The following CDH13 variants were observed in gnomAD, a reference collection of about 807,000 sequenced individuals.
The protein encoded by CDH13 is cadherin-13.
A neutral mutation model predicts 63.8 loss-of-function variants in CDH13; 24 were observed. The ratio of observed to expected loss-of-function variants is 0.38; its 90% confidence interval spans 0.27 to 0.53. The LOEUF (loss-of-function observed/expected upper bound fraction) is 0.53, where lower values mean the gene tolerates loss of function less well. Among genes scored for constraint, CDH13 ranks in the 20% least tolerant of loss-of-function variants. The pLI, the probability that CDH13 is intolerant of heterozygous loss-of-function variation, is 0.85. For missense variants in CDH13, 1,049 were observed against 903.1 expected, an observed-to-expected ratio of 1.16 and a Z score of -2.07; for synonymous variants, 503 against 355.3, an observed-to-expected ratio of 1.42 and a Z score of -4.67.
chr16:83,632,508 T>C (rs1162206037), intron 8 of CDH13, among the ~76,000 whole-genome samples: 1 of 151,946 alleles, frequency 6.6e-6, no homozygotes, highest in Admixed American at 6.6e-5. Context: ...TACTAGACCC[T>C]CCAGTTCTCA....
chr16:83,293,492 C>G (rs565394377), intron 5 of CDH13, among the ~76,000 whole-genome samples: 1 of 152,274 alleles, frequency 6.6e-6, no homozygotes, highest in Admixed American at 6.5e-5. Flanking sequence ...CATAGCAAGA[C>G]TTTATCCATG....
rs1159315373 is a variant in CDH13, at chr16:82,703,453, G to A, written c.45+76316G>A. Among the ~76,000 whole-genome samples the A allele has an allele frequency of 2.0e-5, 3 of 152,124 alleles. No individual in the cohort carries two copies. In the South Asian group the frequency reaches 6.2e-4, roughly 32 times the overall value. On this transcript the variant is annotated intron_variant, in intron 1 of 13. Coordinates refer to ENST00000567109, the MANE Select transcript of CDH13 (RefSeq NM_001257.5). Reference sequence around the variant, plus strand: ...TCAACCAGGGATGAATACAGATGGAGGATAAATTTCCCCACTCCCTTGCCC... The same window carrying A: ...TCAACCAGGGATGAATACAGATGGAAGATAAATTTCCCCACTCCCTTGCCC...
Position 83,800,399 on chromosome 16 carries a change from C to T in CDH13, c.*5369C>T, listed in dbSNP as rs1240444024. On this transcript the variant is annotated 3_prime_UTR_variant, in exon 14 of 14. Transcript: ENST00000567109. Reference sequence around the variant, plus strand: ...TCCTGATGACAAAATTTTATGTATCCCCCCAGATAAAAATTTTAAGAAATT... The same window carrying T: ...TCCTGATGACAAAATTTTATGTATCTCCCCAGATAAAAATTTTAAGAAATT... 6.6e-6 allele frequency: 1 copy of T among 152,012 alleles called. No individual in the cohort carries two copies. Among genetic ancestry groups the T allele is most frequent in the East Asian group, 1.9e-4 (1 of 5,188 alleles). 9.4% of individuals were successfully genotyped at this position (152,012 alleles called of 1,614,324 possible).
At position 83,571,874 on chromosome 16, in the gene CDH13, C is replaced by T. The variant is rs573949391; in HGVS notation, c.961-30580C>T. 1.9e-4 allele frequency among the ~76,000 whole-genome samples: 29 copies of T among 152,218 alleles called. 1 individual carries two copies. The highest frequency in any genetic ancestry group is 5.8e-4 in the African/African-American group (24 of 41,524). ...CATTCCCCTGGCTCCTCACATGAAACGTGCACTCCGGCCACAGAACTTAGC... is the reference window on the plus strand; with the variant it reads ...CATTCCCCTGGCTCCTCACATGAAATGTGCACTCCGGCCACAGAACTTAGC... On this transcript the variant is annotated intron_variant, in intron 7 of 13. Transcript: ENST00000567109.
intron 1 of CDH13, among the ~76,000 whole-genome samples, chr16:82,658,752 G>A (rs1044315309): frequency 1.3e-5 from 2 of 152,212 alleles, no homozygotes; most frequent in Non-Finnish European, 2.9e-5. Flanking sequence ...TTGAATGTGT[G>A]CCCAGTGTCT....
chr16:83,232,227 T>TTTTTTAA (rs3049884), intron 5 of CDH13, among the ~76,000 whole-genome samples: 1 of 67,636 alleles, frequency 1.5e-5, no homozygotes, highest in African/African-American at 5.3e-5. Flanking sequence ...TTTTTTTTTT[T>TTTTTTAA]AAAAAAAAAA....
At chr16:82,636,948 C>T (rs1003107921) in intron 1 of CDH13, among the ~76,000 whole-genome samples, 2 of 152,162 alleles carry the variant, frequency 1.3e-5, no homozygotes, top group East Asian at 3.8e-4. Flanking sequence ...CTAGCTCACC[C>T]CCTCACTCGT....
At chr16:83,295,178 G>T (rs997879070) in intron 5 of CDH13, among the ~76,000 whole-genome samples, 2 of 152,122 alleles carry the variant, frequency 1.3e-5, no homozygotes, top group African/African-American at 4.8e-5. Flanking sequence ...ATATCCATAT[G>T]CAGAAGAATG....
At chr16:83,308,711 AG>A (rs2151883429) in intron 5 of CDH13, among the ~76,000 whole-genome samples, 1 of 152,320 alleles carries the variant, frequency 6.6e-6, no homozygotes, top group African/African-American at 2.4e-5. Context: ...TGCTTCTGGA[AG>A]GCTCCCCTCA....
At chr16:83,360,636 C>T (rs986181010) in intron 6 of CDH13, among the ~76,000 whole-genome samples, 37 of 152,228 alleles carry the variant, frequency 2.4e-4, no homozygotes, top group African/African-American at 8.2e-4. Flanking sequence ...TAGTCCCCAG[C>T]GTCTGTTATT....
At chr16:83,731,515 T>C (rs1021415782) in intron 10 of CDH13, among the ~76,000 whole-genome samples, 4 of 152,238 alleles carry the variant, frequency 2.6e-5, no homozygotes, top group African/African-American at 9.6e-5. Context: ...GGGGTAGTTG[T>C]TTGCTTGTTG....
intron 7 of CDH13, among the ~76,000 whole-genome samples, chr16:83,558,671 T>G (rs1244200858): frequency 6.6e-6 from 1 of 152,216 alleles, no homozygotes; most frequent in South Asian, 2.1e-4. Context: ...TTGCCTGTAT[T>G]TGAGTGTTAG....
At chr16:83,793,785 C>T (rs1225410342) in intron 13 of CDH13, among the ~76,000 whole-genome samples, 2 of 150,106 alleles carry the variant, frequency 1.3e-5, no homozygotes, top group East Asian at 2.0e-4. Context: ...GCACTCCAGC[C>T]TGAGCAACAA....
intron 2 of CDH13, among the ~76,000 whole-genome samples, chr16:83,019,944 T>A (rs559324550): frequency 6.6e-6 from 1 of 152,268 alleles, no homozygotes; most frequent in South Asian, 2.1e-4. Context: ...CATAATTTTA[T>A]GTGCTTGACT....
intron 7 of CDH13, among the ~76,000 whole-genome samples, chr16:83,561,697 T>C (rs1330279781): frequency 6.6e-6 from 1 of 152,152 alleles, no homozygotes. Context: ...ATATAGAAGG[T>C]GATGATGAAT....
At chr16:82,763,132 GTGCTGCTCT>G (rs1342836251) in intron 1 of CDH13, among the ~76,000 whole-genome samples, 2 of 152,152 alleles carry the variant, frequency 1.3e-5, no homozygotes, top group Admixed American at 1.3e-4. Flanking sequence ...GCCTTTGTAT[GTGCTGCTCT>G]TGCTGCTTGA....
chr16:83,029,711 G>C (rs962258977), intron 2 of CDH13, among the ~76,000 whole-genome samples: 1 of 152,154 alleles, frequency 6.6e-6, no homozygotes, highest in Admixed American at 6.5e-5. Flanking sequence ...TAGCCTCTGG[G>C]GAAGAGGTTA....
intron 1 of CDH13, chr16:82,844,655 T>G (rs1328917776): frequency 7.8e-6 from 1 of 127,542 alleles, no homozygotes; most frequent in Non-Finnish European, 1.8e-5. Context: ...TTTTTTTTTT[T>G]TTGAGACAGA....
chr16:83,068,521 G>T (rs546868476), intron 3 of CDH13, among the ~76,000 whole-genome samples: 1 of 152,240 alleles, frequency 6.6e-6, no homozygotes, highest in East Asian at 1.9e-4. Context: ...TCTCACACTC[G>T]TTGCTCTTTT....
Sources: allele counts gnomAD v4.1 joint callset (sites outside exome capture counted in the v4.1 genomes callset), GRCh38; gene constraint gnomAD v4.1.1; transcripts MANE v1.5; gene names NCBI Gene and HGNC (gene_info 2026-07-23, HGNC 2026-07-21).